SYT16: variants seen among roughly 807,000 people sequenced by gnomAD.
SYT16 encodes the protein synaptotagmin 16.
In SYT16, 42 loss-of-function variants were observed where a neutral mutation model predicts 61.4. That is an observed-to-expected ratio of 0.68 (90% confidence interval 0.53 to 0.89). The LOEUF is 0.89. SYT16 is among the 40% of genes least tolerant of loss of function. SYT16 has a pLI of 0.00. For missense variants in SYT16, 804 were observed against 807.3 expected, an observed-to-expected ratio of 1.00 and a Z score of 0.05; for synonymous variants, 314 against 302.3, an observed-to-expected ratio of 1.04 and a Z score of -0.40.
At chr14:61,879,869 A>G (rs900688479) in intron 1 of SYT16, among the ~76,000 whole-genome samples, 3 of 152,106 alleles carry the variant, frequency 2.0e-5, no homozygotes, top group African/African-American at 7.2e-5. Flanking sequence ...TATCCTTTGG[A>G]TTTTTGTCCT....
intron 3 of SYT16, among the ~76,000 whole-genome samples, chr14:62,065,607 T>C (rs2056028721): frequency 6.6e-6 from 1 of 152,180 alleles, no homozygotes; most frequent in Non-Finnish European, 1.5e-5. Context: ...ATGGATGACT[T>C]ATGACTACTT....
chr14:62,065,365 A>G (rs923747913), intron 3 of SYT16, among the ~76,000 whole-genome samples: 2 of 152,158 alleles, frequency 1.3e-5, no homozygotes, highest in Non-Finnish European at 2.9e-5. Context: ...TAGAATTCCT[A>G]CTTCATGGAA....
At chr14:62,086,319 A>G (rs1014617689) in intron 7 of SYT16, among the ~76,000 whole-genome samples, 9 of 152,036 alleles carry the variant, frequency 5.9e-5, no homozygotes, top group Admixed American at 5.2e-4. Flanking sequence ...GCTCTACAGA[A>G]AATAATAAAA....
intron 3 of SYT16, among the ~76,000 whole-genome samples, chr14:62,067,118 G>C (rs1469381700): frequency 6.6e-6 from 1 of 152,018 alleles, no homozygotes; most frequent in Non-Finnish European, 1.5e-5. Flanking sequence ...GTGTGTGTGT[G>C]TGTATGTGTG....
At chr14:62,003,127 T>C (rs963514744) in intron 3 of SYT16, among the ~76,000 whole-genome samples, 3 of 152,058 alleles carry the variant, frequency 2.0e-5, no homozygotes, top group African/African-American at 2.4e-5. Context: ...CCAAAACTTA[T>C]CAGCTACCCT....
intron 1 of SYT16, among the ~76,000 whole-genome samples, chr14:61,960,726 G>A (rs1213456207): frequency 6.6e-6 from 1 of 152,118 alleles, no homozygotes; most frequent in Admixed American, 6.6e-5. Flanking sequence ...GGCCATGACT[G>A]CCGTACTATG....
intron 2 of SYT16, among the ~76,000 whole-genome samples, chr14:61,981,183 G>A (rs975621424): frequency 6.6e-6 from 1 of 152,136 alleles, no homozygotes; most frequent in Non-Finnish European, 1.5e-5. Context: ...ACTGGATGAG[G>A]CCCACCTACA....
At chr14:61,893,379 G>C (rs1399998140) in intron 1 of SYT16, among the ~76,000 whole-genome samples, 4 of 152,136 alleles carry the variant, frequency 2.6e-5, no homozygotes, top group Admixed American at 6.5e-5. Context: ...CTGAAATTCT[G>C]CTTTTATGTG....
chr14:61,883,638 C>A (rs1594823217), intron 1 of SYT16, among the ~76,000 whole-genome samples: 1 of 152,202 alleles, frequency 6.6e-6, no homozygotes, highest in East Asian at 1.9e-4. Context: ...CCATCCTATG[C>A]CTGTTATCCA....
chr14:61,943,856 C>T (rs901304995), intron 1 of SYT16, among the ~76,000 whole-genome samples: 5 of 152,132 alleles, frequency 3.3e-5, no homozygotes, highest in African/African-American at 1.2e-4. Flanking sequence ...CACTCCTTTT[C>T]AAGATAATAT....
At chr14:62,042,979 C>G (rs919377445) in intron 3 of SYT16, among the ~76,000 whole-genome samples, 2 of 152,168 alleles carry the variant, frequency 1.3e-5, no homozygotes, top group Non-Finnish European at 2.9e-5. Context: ...TTTATGCCCC[C>G]ATCTTTGCCT....
chr14:61,902,200 C>G (rs2048548632), intron 1 of SYT16, among the ~76,000 whole-genome samples: 1 of 152,150 alleles, frequency 6.6e-6, no homozygotes, highest in South Asian at 2.1e-4. Context: ...CTATGTGCCC[C>G]TTAGGAAATT....
intron 3 of SYT16, among the ~76,000 whole-genome samples, chr14:61,998,936 A>G (rs2052879113): frequency 6.6e-6 from 1 of 151,878 alleles, no homozygotes. Context: ...GTTGTTTAGT[A>G]TGTTGAAATA....
chr14:62,077,944 A>G (rs944531057), intron 5 of SYT16, among the ~76,000 whole-genome samples: 20 of 152,076 alleles, frequency 1.3e-4, no homozygotes, highest in Admixed American at 1.3e-4. Flanking sequence ...AAGTGGAGAG[A>G]GCTCCTCATT....
At chr14:61,875,084 G>T (rs1026602091) in intron 1 of SYT16, among the ~76,000 whole-genome samples, 1 of 152,152 alleles carries the variant, frequency 6.6e-6, no homozygotes, top group Non-Finnish European at 1.5e-5. Flanking sequence ...AATTTTAGGC[G>T]TACTAAATCA....
Position 62,069,800 on chromosome 14 carries a change from G to T in SYT16, c.721G>T (p.Val241Leu), listed in dbSNP as rs764960702. ...GACACACGGAGAAGATGGCACAGAA[G>T]TATCTGCCTGCGAAGGTATCCTTTG... is the stretch of plus-strand genomic sequence containing the variant. Reference protein sequence around the residue: ...LLTHGEDGTEVSACEDLDGAS... With the variant: ...LLTHGEDGTELSACEDLDGAS... The change falls in exon 4 of 8, where the codon GTA becomes TTA. Residue 241 changes from valine to leucine, a missense_variant. Physicochemically the swap from Val to Leu is conservative, Grantham distance 32. Coordinates refer to ENST00000683842, the MANE Select transcript of SYT16 (RefSeq NM_001367656.1). 6.2e-7 allele frequency: 1 copy of T among 1,613,880 alleles called. No individual in the cohort carries two copies. The highest frequency in any genetic ancestry group is 2.2e-5 in the East Asian group (1 of 44,882).
intron 3 of SYT16, among the ~76,000 whole-genome samples, chr14:62,036,844 T>C (rs897953446): frequency 8.6e-5 from 13 of 152,010 alleles, no homozygotes; most frequent in Admixed American, 6.6e-4. Context: ...GAGATTTGGG[T>C]GGGGACACAG....
intron 3 of SYT16, among the ~76,000 whole-genome samples, chr14:62,039,157 G>A (rs553593768): frequency 6.5e-5 from 9 of 137,866 alleles, no homozygotes; most frequent in African/African-American, 3.2e-4. Context: ...CTGGCTGTAA[G>A]GGGAAGTTTT....
intron 1 of SYT16, among the ~76,000 whole-genome samples, chr14:61,826,787 C>T (rs1269313096): frequency 2.0e-5 from 3 of 152,002 alleles, no homozygotes; most frequent in Non-Finnish European, 2.9e-5. Context: ...CACGTATTTT[C>T]CTACAGTTCT....
Sources: allele counts gnomAD v4.1 joint callset (sites outside exome capture counted in the v4.1 genomes callset), GRCh38; gene constraint gnomAD v4.1.1; transcripts MANE v1.5; gene names NCBI Gene and HGNC (gene_info 2026-07-23, HGNC 2026-07-21).